The following ABCA12 variants were observed in gnomAD, a reference collection of about 807,000 sequenced individuals.
The protein encoded by ABCA12 is glucosylceramide transporter ABCA12.
In ABCA12, 156 loss-of-function variants were observed where a neutral mutation model predicts 293.5. The observed-to-expected ratio is 0.53, with a 90% confidence interval of 0.47 to 0.61. The LOEUF (loss-of-function observed/expected upper bound fraction) is 0.61, where lower values mean the gene tolerates loss of function less well. Ranked by LOEUF, ABCA12 falls within the 20% of genes least tolerant of loss-of-function variation. The pLI is 0.00. For synonymous variants in ABCA12, 1,063 were observed against 1,108.0 expected (o/e 0.96, Z 0.81); for missense variants, 2,797 against 3,090.2 (o/e 0.91, Z 2.25).
At chr2:214,947,586 A>AC in intron 47 of ABCA12, 30 bp from the exon 48 acceptor site, 3 of 1,613,020 alleles carry the variant, frequency 1.9e-6, no homozygotes. Context: ...AGTTAGGTTG[A>AC]CCTTCCTGTG....
rs780676333 is a variant in ABCA12, at chr2:215,001,607, T to C, written c.2814A>G (p.Glu938=). 7.2e-5 allele frequency: 116 copies of C among 1,613,706 alleles called. No homozygotes were observed. The highest frequency in any genetic ancestry group is 9.2e-5 in the Non-Finnish European group (109 of 1,179,816). Residue 938 remains glutamate (E), a synonymous_variant, in exon 21 of 53, where the codon GAA becomes GAG. Coordinates refer to ENST00000272895, the MANE Select transcript of ABCA12 (RefSeq NM_173076.3). ...DRIQAAKTID[E]MEREAKRLYK... Reference sequence around the variant, plus strand: ...AGAGCCTTTTAGCCTCTCTCTCCATTTCATCTATGGTTTTTGCTGCCTGAA... The same window carrying C: ...AGAGCCTTTTAGCCTCTCTCTCCATCTCATCTATGGTTTTTGCTGCCTGAA...
intron 8 of ABCA12, among the ~76,000 whole-genome samples, chr2:215,034,151 C>T (rs1006265954): frequency 2.0e-5 from 3 of 152,148 alleles, no homozygotes; most frequent in African/African-American, 7.2e-5. Flanking sequence ...AACATAATCT[C>T]TGCTCCCAAA....
chr2:215,051,989 A>G (rs1445891948), intron 5 of ABCA12, among the ~76,000 whole-genome samples: 5 of 152,070 alleles, frequency 3.3e-5, no homozygotes, highest in African/African-American at 1.2e-4. Flanking sequence ...TTATCTTGCA[A>G]TCTGGGAAAT....
intron 41 of ABCA12, among the ~76,000 whole-genome samples, chr2:214,957,141 C>T (rs556437797): frequency 1.7e-4 from 26 of 152,222 alleles, no homozygotes; most frequent in African/African-American, 5.1e-4. Context: ...GTATTGATTT[C>T]GTTTTGAATG....
At chr2:215,079,514 C>G (rs147449030) in intron 2 of ABCA12, among the ~76,000 whole-genome samples, 1 of 152,166 alleles carries the variant, frequency 6.6e-6, no homozygotes, top group Non-Finnish European at 1.5e-5. Context: ...AACATCAGAA[C>G]TGGTATAAGT....
intron 5 of ABCA12, among the ~76,000 whole-genome samples, chr2:215,050,185 C>G (rs1445680454): frequency 6.6e-6 from 1 of 152,120 alleles, no homozygotes; most frequent in Non-Finnish European, 1.5e-5. Context: ...TGTCCTAACT[C>G]TTCATGGCAC....
At chr2:215,037,747 G>A (rs558676697) in intron 7 of ABCA12, among the ~76,000 whole-genome samples, 103 of 152,224 alleles carry the variant, frequency 6.8e-4, no homozygotes, top group African/African-American at 2.0e-3. Flanking sequence ...TTTGGAAAAC[G>A]CAATTAGTTT....
chr2:214,970,565 A>C (rs959738793), intron 36 of ABCA12, among the ~76,000 whole-genome samples, 165 bp from the exon 37 acceptor site: 18 of 152,072 alleles, frequency 1.2e-4, no homozygotes, highest in African/African-American at 4.3e-4. Context: ...AAGTCATCTC[A>C]CCTACACCAA....
chr2:215,082,219 A>G (rs1340607892), intron 2 of ABCA12, among the ~76,000 whole-genome samples: 1 of 151,382 alleles, frequency 6.6e-6, no homozygotes, highest in African/African-American at 2.4e-5. Flanking sequence ...TAATTTTTGT[A>G]TTTTTAGTAG....
At chr2:215,059,129 T>G (rs769367128) in intron 3 of ABCA12, among the ~76,000 whole-genome samples, 13 of 152,002 alleles carry the variant, frequency 8.6e-5, no homozygotes, top group Non-Finnish European at 1.9e-4. Flanking sequence ...TTAGTTAAAT[T>G]TGTATATGTA....
At chr2:214,987,536 C>A (rs898244336) in intron 27 of ABCA12, 111 bp downstream of exon 27, 28 of 1,331,958 alleles carry the variant, frequency 2.1e-5, no homozygotes, top group Middle Eastern at 4.5e-4. Flanking sequence ...TCATCCATGA[C>A]TAAAAGGATG....
chr2:215,119,351 T>C (rs1430989651), intron 1 of ABCA12, among the ~76,000 whole-genome samples: 1 of 152,192 alleles, frequency 6.6e-6, no homozygotes, highest in African/African-American at 2.4e-5. Context: ...ACAATTGCTT[T>C]TGGGGACTTA....
intron 8 of ABCA12, 89 bp downstream of exon 8, chr2:215,036,864 C>T (rs1263716968): frequency 4.4e-6 from 5 of 1,136,692 alleles, no homozygotes; most frequent in Non-Finnish European, 6.7e-6. Flanking sequence ...AATATCATCT[C>T]TACATGATTA....
intron 22 of ABCA12, 89 bp downstream of exon 22, chr2:215,000,616 T>C: frequency 6.7e-7 from 1 of 1,495,194 alleles, no homozygotes; most frequent in South Asian, 1.1e-5. Context: ...ATGTTGTTCC[T>C]TTCATGTAAT....
At chr2:215,073,471 G>A (rs1331416044) in intron 2 of ABCA12, among the ~76,000 whole-genome samples, 1 of 152,018 alleles carries the variant, frequency 6.6e-6, no homozygotes, top group African/African-American at 2.4e-5. Flanking sequence ...AGCTGGGTAC[G>A]CATACACTGG....
chr2:215,037,689 T>G (rs990578835), intron 7 of ABCA12, among the ~76,000 whole-genome samples: 2 of 152,176 alleles, frequency 1.3e-5, no homozygotes, highest in African/African-American at 4.8e-5. Flanking sequence ...CAGTCTACAC[T>G]GGGGATAGAA....
At chr2:215,095,118 G>T (rs1006164759) in intron 2 of ABCA12, among the ~76,000 whole-genome samples, 1 of 152,064 alleles carries the variant, frequency 6.6e-6, no homozygotes, top group South Asian at 2.1e-4. Flanking sequence ...AATACAAGAC[G>T]ACAGGAATAG....
chr2:214,965,937 T>C (rs1699246052), intron 39 of ABCA12, among the ~76,000 whole-genome samples: 1 of 152,216 alleles, frequency 6.6e-6, no homozygotes, highest in East Asian at 1.9e-4. Context: ...CATGCACATG[T>C]ATGTTCACTG....
chr2:215,036,226 G>A (rs1359518649), intron 8 of ABCA12, among the ~76,000 whole-genome samples: 1 of 152,118 alleles, frequency 6.6e-6, no homozygotes, highest in Non-Finnish European at 1.5e-5. Flanking sequence ...TCACAGGCAT[G>A]CTTTCTTTTT....
Sources: gnomAD v4.1 joint callset for allele counts (sites outside exome capture counted in the v4.1 genomes callset) on GRCh38, gnomAD v4.1.1 for gene constraint, MANE v1.5 for transcripts, NCBI Gene and HGNC (gene_info 2026-07-23, HGNC 2026-07-21) for gene names.